The following ABTB3 variants were observed in gnomAD, a reference collection of about 807,000 sequenced individuals.
The protein encoded by ABTB3 is ankyrin repeat and BTB domain containing 3, also known as ankyrin repeat- and BTB/POZ domain-containing protein 3.
chr12:107,601,983 C>T, the ABTB3 span, among the ~76,000 whole-genome samples: 1 of 152,162 alleles, frequency 6.6e-6, no homozygotes, highest in African/African-American at 2.4e-5. Context: ...CCTCCGAGCC[C>T]AGATCCTCAG....
chr12:107,460,552 G>A, the ABTB3 span, among the ~76,000 whole-genome samples: 16 of 152,268 alleles, frequency 1.1e-4, no homozygotes, highest in Admixed American at 4.6e-4. Flanking sequence ...CCAGCTCCTC[G>A]GGAGGCTGAG....
chr12:107,338,968 G>C, the ABTB3 span, among the ~76,000 whole-genome samples: 32 of 152,222 alleles, frequency 2.1e-4, no homozygotes, highest in Non-Finnish European at 4.3e-4. Flanking sequence ...CTGGGACTAC[G>C]GGGTATGCCA....
chr12:107,499,310 C>A, the ABTB3 span, among the ~76,000 whole-genome samples: 2 of 151,780 alleles, frequency 1.3e-5, no homozygotes, highest in Non-Finnish European at 2.9e-5. Flanking sequence ...CACAGTGCTG[C>A]GTACTAGAAG....
the ABTB3 span, among the ~76,000 whole-genome samples, chr12:107,525,250 A>G: frequency 6.8e-6 from 1 of 146,942 alleles, no homozygotes; most frequent in African/African-American, 2.5e-5. Context: ...TCGCTTGAGC[A>G]CTGGAGGTCA....
the ABTB3 span, among the ~76,000 whole-genome samples, chr12:107,541,707 A>C: frequency 6.6e-6 from 1 of 152,168 alleles, no homozygotes; most frequent in African/African-American, 2.4e-5. Flanking sequence ...TTTAAATGTT[A>C]ATCACATCTA....
chr12:107,390,814 T>C, the ABTB3 span, among the ~76,000 whole-genome samples: 4 of 152,186 alleles, frequency 2.6e-5, no homozygotes, highest in Non-Finnish European at 4.4e-5. Context: ...ACATAACACA[T>C]ACCATGGGCT....
the ABTB3 span, among the ~76,000 whole-genome samples, chr12:107,475,982 G>A: frequency 2.0e-5 from 3 of 152,280 alleles, no homozygotes; most frequent in South Asian, 2.1e-4. Flanking sequence ...TGAGATATTG[G>A]TTGTTGGTGA....
chr12:107,429,870 G>A, the ABTB3 span, among the ~76,000 whole-genome samples: 30 of 152,332 alleles, frequency 2.0e-4, no homozygotes, highest in Middle Eastern at 6.8e-3. Flanking sequence ...AACAAGCATA[G>A]CAGGCAGCAC....
At chr12:107,418,832 G>A in the ABTB3 span, among the ~76,000 whole-genome samples, 1 of 152,170 alleles carries the variant, frequency 6.6e-6, no homozygotes, top group African/African-American at 2.4e-5. Context: ...AAAACAGTAA[G>A]ACTTGCTTTA....
the ABTB3 span, among the ~76,000 whole-genome samples, chr12:107,382,401 A>G: frequency 1.3e-5 from 2 of 152,118 alleles, no homozygotes; most frequent in African/African-American, 2.4e-5. Flanking sequence ...CTCCTTTTTA[A>G]AAGATCCTCT....
chr12:107,411,121 A>C, the ABTB3 span, among the ~76,000 whole-genome samples: 1 of 152,060 alleles, frequency 6.6e-6, no homozygotes, highest in African/African-American at 2.4e-5. Context: ...CCAACATGGC[A>C]AAACCCCGTC....
chr12:107,485,525 G>A, the ABTB3 span, among the ~76,000 whole-genome samples: 1 of 152,092 alleles, frequency 6.6e-6, no homozygotes, highest in Non-Finnish European at 1.5e-5. Flanking sequence ...GTTTGTGTGT[G>A]TCTCTCTGTA....
the ABTB3 span, among the ~76,000 whole-genome samples, chr12:107,553,266 G>T: frequency 1.3e-5 from 2 of 152,120 alleles, no homozygotes; most frequent in African/African-American, 4.8e-5. Context: ...TACAAATGTG[G>T]CAGGCCCTGC....
the ABTB3 span, among the ~76,000 whole-genome samples, chr12:107,476,257 G>A: frequency 7.0e-4 from 106 of 152,274 alleles, no homozygotes; most frequent in African/African-American, 2.4e-3. Context: ...GAGCTACCAA[G>A]CTGGGTCTCT....
the ABTB3 span, among the ~76,000 whole-genome samples, chr12:107,371,574 C>A: frequency 6.6e-6 from 1 of 152,084 alleles, no homozygotes; most frequent in East Asian, 1.9e-4. Context: ...TTGCTTTTCC[C>A]TCTCATTTCT....
the ABTB3 span, among the ~76,000 whole-genome samples, chr12:107,342,255 G>C: frequency 2.6e-5 from 4 of 151,924 alleles, no homozygotes; most frequent in African/African-American, 7.2e-5. Flanking sequence ...TCATTTTTTT[G>C]GGGGGAGGGG....
chr12:107,651,906 A>T, the ABTB3 span: 1 of 795,686 alleles, frequency 1.3e-6, no homozygotes, highest in Non-Finnish European at 2.1e-6. Flanking sequence ...TCTCAGGGCT[A>T]AGCCGCTGGC....
chr12:107,411,473 G>C, the ABTB3 span, among the ~76,000 whole-genome samples: 1 of 152,232 alleles, frequency 6.6e-6, no homozygotes, highest in African/African-American at 2.4e-5. Flanking sequence ...AATAAGTGCG[G>C]TGTCTGGCAT....
At chr12:107,620,264 G>T in the ABTB3 span, 1 of 1,443,922 alleles carries the variant, frequency 6.9e-7, no homozygotes, top group South Asian at 1.3e-5. Context: ...CTTTGAGTGG[G>T]ATCACTACGG....
Sources: allele counts gnomAD v4.1 joint callset (sites outside exome capture counted in the v4.1 genomes callset), GRCh38; gene constraint gnomAD v4.1.1; transcripts MANE v1.5; gene names NCBI Gene and HGNC (gene_info 2026-07-23, HGNC 2026-07-21).